Variants in WNT5A observed in about 807,000 individuals in gnomAD.
The protein encoded by WNT5A is Wnt family member 5A.
Under a neutral mutation model 42.1 loss-of-function variants are expected in WNT5A, and 9 were observed. That is an observed-to-expected ratio of 0.21 (90% CI 0.13 to 0.37). WNT5A has a LOEUF of 0.37. Ranked by LOEUF, WNT5A falls within the 10% of genes least tolerant of loss-of-function variation. WNT5A has a pLI of 1.00. For missense variants in WNT5A, 426 were observed against 534.0 expected, an observed-to-expected ratio of 0.80 and a Z score of 1.99; for synonymous variants, 210 against 210.0, an observed-to-expected ratio of 1.00 and a Z score of 0.00.
At position 55,474,623 on chromosome 3, in the gene WNT5A, C is replaced by T. The variant is rs1300391603; in HGVS notation, c.398G>A (p.Arg133His). The change falls in exon 4 of 5, where the codon CGC becomes CAC. Residue 133 changes from arginine to histidine, a missense_variant. Coordinates refer to ENST00000264634, the MANE Select transcript of WNT5A (RefSeq NM_003392.7). ...CACCGCGTATGTGAAGGCCGTCTCG[C>T]GGCTGCCTGTGGGTGAGGACAAGGG... ...VFGRVMQIGS[R>H]ETAFTYAVSA... 3 of 1,233,712 alleles carry T rather than the reference C, an allele frequency of 2.4e-6. No homozygotes were observed. The highest frequency in any genetic ancestry group is 3.6e-5 in the Admixed American group (1 of 27,454). The allele number at this position is 1,233,712 out of a possible 1,614,324, so 76.4% of individuals were successfully genotyped here.
chr3:55,466,809 A>G lies in WNT5A; in HGVS notation c.*3283T>C, dbSNP rs1226408339. ...AAACTGAAACAGATGTGAGTCCTAG[A>G]ACCACAAGAGTTTGAATTTGCCCAG... On this transcript the variant is annotated 3_prime_UTR_variant, in exon 5 of 5. Coordinates refer to ENST00000264634, the MANE Select transcript of WNT5A (RefSeq NM_003392.7). The G allele has an allele frequency of 6.6e-6, 1 of 152,630 alleles. No individual in the cohort carries two copies. Among genetic ancestry groups the G allele is most frequent in the Non-Finnish European group, 1.5e-5 (1 of 68,030 alleles). The allele number at this position is 152,630 out of a possible 1,614,324, so 9.5% of individuals were successfully genotyped here.
upstream of WNT5A, chr3:55,487,967 C>T (rs1250620445): frequency 6.6e-6 from 1 of 152,026 alleles, no homozygotes; most frequent in African/African-American, 2.4e-5. Context: ...TCGGGTTGAT[C>T]TCTCTTTTCC....
At chr3:55,487,965 A>G (rs1279664987), upstream of WNT5A, 1 of 150,008 alleles carries the variant, frequency 6.7e-6, no homozygotes, top group Non-Finnish European at 1.5e-5. Context: ...CTTCGGGTTG[A>G]TCTCTCTTTT....
intron 3 of WNT5A, 73 bp from the exon 4 acceptor site, chr3:55,474,702 T>G (rs1173994303): frequency 1.6e-3 from 278 of 169,556 alleles, no homozygotes; most frequent in South Asian, 6.4e-3. Flanking sequence ...GGGGTGGGGG[T>G]GGGGGCAAGG....
the WNT5A span, among the ~76,000 whole-genome samples, chr3:55,499,972 C>CCCG: frequency 1.3e-5 from 1 of 75,694 alleles, no homozygotes; most frequent in Non-Finnish European, 2.6e-5. Context: ...GAGACTCCAT[C>CCCG]CCCCCTCCAA....
the WNT5A span, among the ~76,000 whole-genome samples, chr3:55,504,665 T>A: frequency 6.6e-6 from 1 of 152,154 alleles, no homozygotes; most frequent in Non-Finnish European, 1.5e-5. Context: ...GGTTTCTCCA[T>A]GTTGGTCAGG....
chr3:55,479,675 C>T (rs569613779), intron 2 of WNT5A, 111 bp from the exon 3 acceptor site: 4 of 1,370,204 alleles, frequency 2.9e-6, no homozygotes, highest in Non-Finnish European at 3.9e-6. Context: ...TTTTTCTCTC[C>T]TGCTTGTCCT....
chr3:55,486,880 G>A, intron 1 of WNT5A, 100 bp downstream of exon 1: 2 of 869,380 alleles, frequency 2.3e-6, no homozygotes, highest in Non-Finnish European at 3.9e-6. Flanking sequence ...AGGCGGTTGG[G>A]GAAATGGAGG....
chr3:55,491,002 G>A (rs1335303655), upstream of WNT5A, among the ~76,000 whole-genome samples: 1 of 152,188 alleles, frequency 6.6e-6, no homozygotes, highest in African/African-American at 2.4e-5. Flanking sequence ...TAAGCTTCAT[G>A]TCAGCAGGAC....
Position 55,480,894 on chromosome 3 carries a change from C to T in WNT5A, c.31G>A (p.Gly11Arg), listed in dbSNP as rs1319138082. 1 of 1,578,826 alleles carries T rather than the reference C, an allele frequency of 6.3e-7. No homozygotes were observed. Residue 11 changes from glycine to arginine, a missense_variant, in exon 2 of 5, where the codon GGA becomes AGA. By Grantham distance (125) the Gly-to-Arg change is moderately radical. Transcript: ENST00000264634. ...CTTCCAGCCATCCCCAAAGCAACTC[C>T]TGGGCTTAATATTCCAATGGACTTC... The part of the protein sequence containing the change: MKKSIGILSP[G>R]VALGMAGSAM...
chr3:55,479,310 C>T lies in WNT5A; in HGVS notation c.391+4G>A. ...TTAAAAAAATATTTTAAATGTTTTC[C>T]TACCTATCTGCATCACCCTGCCAAA... On this transcript the variant is annotated splice_donor_region_variant and intron_variant, in intron 3 of 4. Coordinates refer to ENST00000264634, the MANE Select transcript of WNT5A (RefSeq NM_003392.7). The T allele has an allele frequency of 6.6e-7, 1 of 1,516,200 alleles. No individual in the cohort carries two copies. The highest frequency in any genetic ancestry group is 2.1e-5 in the Admixed American group (1 of 47,258). 93.9% of individuals were successfully genotyped at this position (1,516,200 alleles called of 1,614,324 possible). A position where few individuals can be genotyped will look rare whatever the true frequency, so the allele number is the denominator to read the frequency against.
chr3:55,486,813 C>A (rs1575408838), intron 1 of WNT5A, among the ~76,000 whole-genome samples, 167 bp downstream of exon 1: 1 of 151,914 alleles, frequency 6.6e-6, no homozygotes, highest in African/African-American at 2.4e-5. Flanking sequence ...GTGCGCCCGG[C>A]GTGGAGGGCG....
intron 4 of WNT5A, among the ~76,000 whole-genome samples, chr3:55,470,926 T>C (rs553506449): frequency 3.0e-4 from 45 of 152,216 alleles, no homozygotes; most frequent in African/African-American, 1.1e-3. Flanking sequence ...AGGTGAGAAG[T>C]GCTAGTATCA....
chr3:55,474,587 C>G lies in WNT5A; in HGVS notation c.434G>C (p.Gly145Ala). Reference protein sequence around the residue: ...TAFTYAVSAAGVVNAMSRACR... With the variant: ...TAFTYAVSAAAVVNAMSRACR... ...CGCCCGGCTCATGGCGTTCACCACC[C>G]CTGCTGCGCTCACCGCGTATGTGAA... The change falls in exon 4 of 5, where the codon GGG becomes GCG. Residue 145 changes from glycine (G) to alanine (A), a missense_variant. By Grantham distance (60) the Gly-to-Ala change is moderately conservative (BLOSUM62 0). This residue lies in a region of WNT5A where 358 missense variants were observed against 468.1 expected (regional missense o/e 0.76). Transcript: ENST00000264634. The G allele has an allele frequency of 6.8e-7, 1 of 1,480,626 alleles. No individual in the cohort carries two copies. The highest frequency in any genetic ancestry group is 8.9e-7 in the Non-Finnish European group (1 of 1,119,798). 91.7% of individuals were successfully genotyped at this position (1,480,626 alleles called of 1,614,324 possible).
chr3:55,473,390 A>T (rs943635655), intron 4 of WNT5A, among the ~76,000 whole-genome samples: 1 of 152,222 alleles, frequency 6.6e-6, no homozygotes, highest in Non-Finnish European at 1.5e-5. Context: ...CTGGTTTTCA[A>T]TGCTGCCAAA....
intron 3 of WNT5A, among the ~76,000 whole-genome samples, chr3:55,478,305 T>G (rs6787382): frequency 0.012 from 1,772 of 143,002 alleles, 27 homozygotes; most frequent in African/African-American, 0.041. Context: ...ATTTTCGGGG[T>G]TTTTTTTTTA....
intron 1 of WNT5A, chr3:55,481,441 C>CG (rs893736229): frequency 1.5e-4 from 60 of 398,580 alleles, no homozygotes; most frequent in African/African-American, 1.7e-4. Context: ...GTGGCCAGCG[C>CG]GGGGGGTGGA....
At chr3:55,475,852 G>A (rs989576203) in intron 3 of WNT5A, among the ~76,000 whole-genome samples, 1 of 152,100 alleles carries the variant, frequency 6.6e-6, no homozygotes, top group Non-Finnish European at 1.5e-5. Flanking sequence ...ATTTCTGCAT[G>A]TAACAAGAGC....
intron 2 of WNT5A, among the ~76,000 whole-genome samples, chr3:55,479,913 C>T (rs1283002846): frequency 1.3e-5 from 2 of 152,138 alleles, no homozygotes; most frequent in Non-Finnish European, 2.9e-5. Context: ...GAAAGTGACC[C>T]ACTTTGCCCC....
Sources: allele counts gnomAD v4.1 joint callset (sites outside exome capture counted in the v4.1 genomes callset), GRCh38; gene constraint gnomAD v4.1.1; regional missense constraint gnomAD v4.1.1; transcripts MANE v1.5; gene names NCBI Gene and HGNC (gene_info 2026-07-23, HGNC 2026-07-21).